INPP4A: variants seen among roughly 807,000 people sequenced by gnomAD.
INPP4A encodes inositol polyphosphate-4-phosphatase type I A.
A neutral mutation model predicts 119.8 loss-of-function variants in INPP4A; 33 were observed. The observed-to-expected ratio is 0.28, with a 90% CI of 0.21 to 0.37. INPP4A has a LOEUF of 0.37. INPP4A is among the 10% of genes least tolerant of loss of function. The pLI, the probability that INPP4A is intolerant of heterozygous loss-of-function variation, is 1.00. For missense variants in INPP4A, 956 were observed against 1,289.9 expected (o/e 0.74, Z 3.97); for synonymous variants, 496 against 500.7 (o/e 0.99, Z 0.12).
At chr2:98,562,072 TGGCCGG>T (rs1390215280) in intron 17 of INPP4A, among the ~76,000 whole-genome samples, 1 of 152,212 alleles carries the variant, frequency 6.6e-6, no homozygotes. Flanking sequence ...TGCTCAGCAG[TGGCCGG>T]GGCCGGGCCT....
chr2:98,541,383 A>G (rs971408142), intron 10 of INPP4A, among the ~76,000 whole-genome samples: 1 of 152,050 alleles, frequency 6.6e-6, no homozygotes, highest in African/African-American at 2.4e-5. Context: ...TCTTTCACCT[A>G]AAATCACCAA....
chr2:98,551,669 C>A (rs545478230), intron 13 of INPP4A, among the ~76,000 whole-genome samples: 6 of 152,124 alleles, frequency 3.9e-5, no homozygotes, highest in African/African-American at 1.2e-4. Flanking sequence ...TGAGAGGTGC[C>A]CTCGCTCCTC....
In INPP4A at chr2:98,570,286, AG is replaced by A. The variant is rs1488346424; in HGVS notation, c.2518+1622del. Among the ~76,000 whole-genome samples the A allele has an allele frequency of 6.6e-6, 1 of 152,208 alleles. No homozygotes were observed. The highest frequency in any genetic ancestry group is 2.4e-5 in the African/African-American group (1 of 41,446). On this transcript the variant is annotated intron_variant, in intron 22 of 24. Coordinates refer to ENST00000409851, the MANE Select transcript of INPP4A (RefSeq NM_001134225.2). This position sits in a 1 kb window ranked among gnomAD's most constrained non-coding sequence, Gnocchi z 4.3. ...GAGGCCACTGAGTGACAAGACGAGA[AG>A]GGGCTGGAACAGCATCTGGAGGGGC...
chr2:98,485,951 C>A (rs113226505), intron 1 of INPP4A, among the ~76,000 whole-genome samples: 4,722 of 152,164 alleles, frequency 0.031, 265 homozygotes, highest in African/African-American at 0.11. Context: ...ACTGCTTGTT[C>A]AAATAAGGGG....
At chr2:98,538,700 C>T (rs112435541) in intron 8 of INPP4A, among the ~76,000 whole-genome samples, 191 bp from the exon 9 acceptor site, 3,407 of 152,272 alleles carry the variant, frequency 0.022, 142 homozygotes, top group African/African-American at 0.078. Flanking sequence ...GAATTGTGTG[C>T]GCATGAAGTG....
At chr2:98,448,728 T>A (rs184467519) in intron 1 of INPP4A, among the ~76,000 whole-genome samples, 34,257 of 140,004 alleles carry the variant, frequency 0.24, 4,296 homozygotes, top group Middle Eastern at 0.33. Context: ...TTTTTTTTTT[T>A]AAAGAGACAA....
chr2:98,473,808 G>A (rs901161710), intron 1 of INPP4A, among the ~76,000 whole-genome samples: 1 of 152,202 alleles, frequency 6.6e-6, no homozygotes, highest in Admixed American at 6.5e-5. Context: ...TGTTGGAAAG[G>A]TAATACATGT....
chr2:98,565,494 G>C, intron 19 of INPP4A, 146 bp from the exon 20 acceptor site: 1 of 724,302 alleles, frequency 1.4e-6, no homozygotes. Flanking sequence ...AGTTGCAGGG[G>C]AAGAGGCTCA....
At chr2:98,568,528 A>G in intron 21 of INPP4A, 43 bp from the exon 22 acceptor site, 1 of 946,690 alleles carries the variant, frequency 1.1e-6, no homozygotes, top group Non-Finnish European at 1.7e-6. Context: ...GTTAGAAGAA[A>G]GTGACATTAG....
Position 98,587,921 on chromosome 2 carries a change from C to G in INPP4A, c.*313C>G. 1 of 254,496 alleles carries G rather than the reference C, an allele frequency of 3.9e-6. No individual in the cohort carries two copies. Among genetic ancestry groups the G allele is most frequent in the Non-Finnish European group, 7.5e-6 (1 of 133,456 alleles). The allele number at this position is 254,496 out of a possible 1,614,324, so 15.8% of individuals were successfully genotyped here. On this transcript the variant is annotated 3_prime_UTR_variant, in exon 25 of 25. Transcript: ENST00000409851. ...CCTACATGAATCAAGCTAGGTTTGT[C>G]TGAAATGCTAGAAGACTTTTTCAAA...
chr2:98,493,604 C>G (rs1389694645), intron 1 of INPP4A, among the ~76,000 whole-genome samples: 1 of 151,906 alleles, frequency 6.6e-6, no homozygotes, highest in African/African-American at 2.4e-5. Flanking sequence ...GCTATGTTGC[C>G]CAGGCTGGTC....
At chr2:98,538,800 T>C in intron 8 of INPP4A, 91 bp from the exon 9 acceptor site, 1 of 742,284 alleles carries the variant, frequency 1.3e-6, no homozygotes, top group East Asian at 2.7e-5. Flanking sequence ...AAGACTTCTG[T>C]TATGATGTAT....
At chr2:98,564,462 C>T (rs984601215) in intron 18 of INPP4A, among the ~76,000 whole-genome samples, 178 bp from the exon 19 acceptor site, 5 of 152,194 alleles carry the variant, frequency 3.3e-5, no homozygotes, top group Non-Finnish European at 7.3e-5. Flanking sequence ...CACTGTTGGG[C>T]GTCTTCCCAT....
At chr2:98,478,924 C>T (rs1308247129) in intron 1 of INPP4A, among the ~76,000 whole-genome samples, 1 of 152,178 alleles carries the variant, frequency 6.6e-6, no homozygotes, top group African/African-American at 2.4e-5. Context: ...TGTAAGTCTT[C>T]AGGCATCTTT....
At chr2:98,504,200 AG>A (rs1216694254) in intron 1 of INPP4A, among the ~76,000 whole-genome samples, 1 of 152,210 alleles carries the variant, frequency 6.6e-6, no homozygotes. Context: ...ACAGCCGAGT[AG>A]CTGAAGCCAT....
chr2:98,484,354 C>T (rs1353369086), intron 1 of INPP4A, among the ~76,000 whole-genome samples: 1 of 152,186 alleles, frequency 6.6e-6, no homozygotes, highest in African/African-American at 2.4e-5. Context: ...CCCTCTCCTC[C>T]CTGTCAGGCT....
At chr2:98,449,439 T>A (rs527252093) in intron 1 of INPP4A, among the ~76,000 whole-genome samples, 13 of 152,342 alleles carry the variant, frequency 8.5e-5, no homozygotes, top group Admixed American at 5.9e-4. Flanking sequence ...GTTGCTCAAA[T>A]TATCCTAGAT....
chr2:98,490,218 A>AC (rs1462045440), intron 1 of INPP4A, among the ~76,000 whole-genome samples: 2 of 151,876 alleles, frequency 1.3e-5, no homozygotes, highest in African/African-American at 4.8e-5. Flanking sequence ...GATGGAGAAG[A>AC]CCGGGGGCAG....
intron 17 of INPP4A, 51 bp downstream of exon 17, chr2:98,559,546 C>T (rs1029554819): frequency 5.7e-6 from 9 of 1,568,716 alleles, no homozygotes; most frequent in African/African-American, 5.4e-5. Context: ...AATTGATACT[C>T]AGGTAGTGTT....
Sources: gnomAD v4.1 joint callset for allele counts (sites outside exome capture counted in the v4.1 genomes callset) on GRCh38, gnomAD v4.1.1 for gene constraint, Gnocchi (gnomAD v3.1) non-coding constraint, MANE v1.5 for transcripts, NCBI Gene and HGNC (gene_info 2026-07-23, HGNC 2026-07-21) for gene names.